Variants in BIRC6 observed in about 807,000 individuals in gnomAD.
The protein encoded by BIRC6 is baculoviral IAP repeat containing 6.
In BIRC6, 98 loss-of-function variants were observed where a neutral mutation model predicts 503.3. The ratio of observed to expected loss-of-function variants is 0.19; its 90% CI spans 0.17 to 0.23. The LOEUF is 0.23. BIRC6 is among the 10% of genes least tolerant of loss of function. The probability of loss-of-function intolerance (pLI) is 1.00; values close to 1 mark genes in which losing one functional copy is unlikely to be tolerated. For synonymous variants in BIRC6, 2,240 were observed against 2,078.7 expected (o/e 1.08, Z -2.11); for missense variants, 5,360 against 5,806.0 (o/e 0.92, Z 2.50).
chr2:32,487,893 A>G (rs2051185693), intron 41 of BIRC6, 92 bp downstream of exon 41: 4 of 1,063,710 alleles, frequency 3.8e-6, no homozygotes, highest in Admixed American at 4.8e-5. Context: ...TAATCCTGTC[A>G]GGGATGATTT....
chr2:32,464,671 C>T lies in BIRC6; in HGVS notation c.5104C>T (p.Pro1702Ser), dbSNP rs757998158. ...TATTCCACCCACTCCAAAAACAACA[C>T]CTCTTTTTATGACTCCACCACTCAC... Reference protein sequence around the residue: ...DVIPPTPKTTPLFMTPPLTPP... With the variant: ...DVIPPTPKTTSLFMTPPLTPP... Residue 1702 changes from proline to serine, a missense_variant, in exon 25 of 74, where the codon CCT becomes TCT. Pro to Ser is a moderately conservative substitution (Grantham distance 74). Coordinates refer to ENST00000421745, the MANE Select transcript of BIRC6 (RefSeq NM_016252.4). The T allele has an allele frequency of 1.2e-6, 2 of 1,613,934 alleles. No homozygotes were observed. Among genetic ancestry groups the T allele is most frequent in the East Asian group, 2.2e-5 (1 of 44,876 alleles).
chr2:32,461,857 A>G (rs1036431379), intron 23 of BIRC6, among the ~76,000 whole-genome samples: 1 of 152,128 alleles, frequency 6.6e-6, no homozygotes, highest in African/African-American at 2.4e-5. Flanking sequence ...AATAGTAGCA[A>G]CAAAAACTTT....
At chr2:32,553,569 GA>G (rs1484878374) in intron 65 of BIRC6, among the ~76,000 whole-genome samples, 3 of 151,414 alleles carry the variant, frequency 2.0e-5, no homozygotes, top group Admixed American at 2.0e-4. Context: ...TTTGTATTTT[GA>G]GTAAAGACAG....
At chr2:32,368,344 G>T (rs756433385) in intron 1 of BIRC6, among the ~76,000 whole-genome samples, 9 of 152,038 alleles carry the variant, frequency 5.9e-5, no homozygotes, top group Non-Finnish European at 1.2e-4. Context: ...TTCGAGACCA[G>T]CCTAGCCAAC....
rs376017246 is a variant in BIRC6 at position 32,386,916 on chromosome 2, T to C, written c.646-1834T>C. Among the ~76,000 whole-genome samples, 6 of 152,158 alleles carry C rather than the reference T, an allele frequency of 3.9e-5. No homozygotes were observed. The East Asian group carries it at 1.2e-3, about 29-fold the overall frequency. ...TCTGGGGATTGTTTTCAGTTGCCTG[T>C]TTTATATTATGCATTCAGGAACTGG... On this transcript the variant is annotated intron_variant, in intron 3 of 73. Transcript: ENST00000421745.
At chr2:32,481,175 G>T in intron 37 of BIRC6, 145 bp from the exon 38 acceptor site, 1 of 613,598 alleles carries the variant, frequency 1.6e-6, no homozygotes, top group Non-Finnish European at 2.7e-6. Context: ...GTGTATTATG[G>T]AGCGAAATGT....
chr2:32,411,278 A>G (rs1012838400), intron 9 of BIRC6, among the ~76,000 whole-genome samples: 2 of 150,230 alleles, frequency 1.3e-5, no homozygotes, highest in African/African-American at 4.9e-5. Context: ...ACCTCAGGTG[A>G]TCCACCCGCC....
chr2:32,471,770 T>C lies in BIRC6; in HGVS notation c.6592+646T>C, dbSNP rs186056561. Among the ~76,000 whole-genome samples, 12 of 152,238 alleles carry C rather than the reference T, an allele frequency of 7.9e-5. No individual in the cohort carries two copies. In the East Asian group the frequency reaches 2.1e-3, roughly 27 times the overall value. On this transcript the variant is annotated intron_variant, in intron 32 of 73. Transcript: ENST00000421745. Reference sequence around the variant, plus strand: ...ATACCTAAATCCAGTATGTAAGCCATTGAGATATGTAAGCCTACATATGCT... The same window carrying C: ...ATACCTAAATCCAGTATGTAAGCCACTGAGATATGTAAGCCTACATATGCT...
intron 10 of BIRC6, 94 bp downstream of exon 10, chr2:32,416,257 A>G: frequency 2.7e-5 from 34 of 1,260,780 alleles, no homozygotes; most frequent in Non-Finnish European, 3.7e-5. Flanking sequence ...AGGTTCAAAT[A>G]GATGGGGAGG....
Position 32,560,208 on chromosome 2 carries a change from T to A in BIRC6, c.13144+10727T>A, listed in dbSNP as rs374995836. Among the ~76,000 whole-genome samples the A allele has an allele frequency of 3.0e-4, 46 of 152,274 alleles. No homozygotes were observed. In the East Asian group the frequency reaches 8.3e-3, roughly 27 times the overall value. ...ATATTTTTAGTTTAAAATGAAGAAATTTGATATCTTGAGATATTTTTTAAA... is the reference window on the plus strand; with the variant it reads ...ATATTTTTAGTTTAAAATGAAGAAAATTGATATCTTGAGATATTTTTTAAA... On this transcript the variant is annotated intron_variant, in intron 65 of 73. Transcript: ENST00000421745.
At chr2:32,422,709 A>G (rs2043065443) in intron 10 of BIRC6, among the ~76,000 whole-genome samples, 1 of 152,136 alleles carries the variant, frequency 6.6e-6, no homozygotes, top group Non-Finnish European at 1.5e-5. Context: ...ACCAAACTCT[A>G]ACTAGTTTTG....
chr2:32,465,913 C>T (rs1217354274), intron 26 of BIRC6, among the ~76,000 whole-genome samples: 5 of 140,274 alleles, frequency 3.6e-5, no homozygotes, highest in African/African-American at 9.9e-5. Context: ...ACAGTATTTT[C>T]TGCCCAACTA....
At position 32,473,275 on chromosome 2, in the gene BIRC6, G is replaced by A. The variant is rs916393338; in HGVS notation, c.6720+36G>A. ...ATATATTTAAAAATTTTTAATGTTT[G>A]AGAATATTGTTTTGGAGTTTGCATG... On this transcript the variant is annotated intron_variant, in intron 33 of 73. Coordinates refer to ENST00000421745, the MANE Select transcript of BIRC6 (RefSeq NM_016252.4). 3 of 1,484,834 alleles carry A rather than the reference G, an allele frequency of 2.0e-6. No homozygotes were observed. The African/African-American group carries it at 4.3e-5, about 21-fold the overall frequency. The allele number at this position is 1,484,834 out of a possible 1,614,324, so 92.0% of individuals were successfully genotyped here. A position where few individuals can be genotyped will look rare whatever the true frequency, so the allele number is the denominator to read the frequency against.
chr2:32,467,843 T>G, intron 27 of BIRC6, 60 bp from the exon 28 acceptor site: 1 of 1,462,790 alleles, frequency 6.8e-7, no homozygotes, highest in Non-Finnish European at 9.2e-7. Flanking sequence ...TTAAATACAT[T>G]GCTCAGATTT....
intron 65 of BIRC6, among the ~76,000 whole-genome samples, chr2:32,556,490 C>T (rs986933945): frequency 5.9e-5 from 9 of 152,222 alleles, no homozygotes; most frequent in African/African-American, 2.2e-4. Context: ...CAGATTTCCA[C>T]ATAACTACCT....
intron 33 of BIRC6, among the ~76,000 whole-genome samples, chr2:32,473,750 T>TGTGTGTGTG (rs1558829206): frequency 8.3e-6 from 1 of 120,364 alleles, no homozygotes; most frequent in Non-Finnish European, 1.8e-5. Context: ...TGTGTGTGTG[T>TGTGTGTGTG]ATTTTTTTTT....
At position 32,597,959 on chromosome 2, in the gene BIRC6, T is replaced by C. The variant is rs35521138; in HGVS notation, c.13821T>C (p.Asp4607=). 8.5e-4 allele frequency: 1,375 copies of C among 1,610,566 alleles called. 18 individuals are homozygous for C. The African/African-American group carries it at 0.017, about 20-fold the overall frequency. The change falls in exon 69 of 74, where the codon GAT becomes GAC. Residue 4607 remains aspartate, a synonymous_variant. Coordinates refer to ENST00000421745, the MANE Select transcript of BIRC6 (RefSeq NM_016252.4). The part of the protein sequence containing the change: ...VFVRCDEERL[D]IMKVLITGPA... ...TACGCTGTGATGAGGAGCGACTTGA[T>C]ATCATGAAGGTAAAAAATAATGATA...
At chr2:32,575,021 T>G in intron 65 of BIRC6, 135 bp from the exon 66 acceptor site, 4 of 874,000 alleles carry the variant, frequency 4.6e-6, no homozygotes, top group East Asian at 2.4e-5. Flanking sequence ...GTACTGAGAT[T>G]ACAGGCCTGA....
chr2:32,603,750 G>C (rs979692956), intron 71 of BIRC6, among the ~76,000 whole-genome samples: 3 of 151,720 alleles, frequency 2.0e-5, no homozygotes. Context: ...AAATAAAAAC[G>C]AAAGGGACAG....
Sources: allele counts gnomAD v4.1 joint callset (sites outside exome capture counted in the v4.1 genomes callset), GRCh38; gene constraint gnomAD v4.1.1; transcripts MANE v1.5; gene names NCBI Gene and HGNC (gene_info 2026-07-23, HGNC 2026-07-21).